Variants in SLC36A1 observed in about 807,000 individuals in gnomAD.
SLC36A1 encodes the protein proton-coupled amino acid transporter 1.
A neutral mutation model predicts 47.5 loss-of-function variants in SLC36A1; 30 were observed. The ratio of observed to expected loss-of-function variants is 0.63; its 90% CI spans 0.47 to 0.86. The LOEUF is 0.86. Ranked by LOEUF, SLC36A1 falls within the 40% of genes least tolerant of loss-of-function variation. SLC36A1 has a pLI of 0.00. For missense variants in SLC36A1, 517 were observed against 606.0 expected, an observed-to-expected ratio of 0.85 and a Z score of 1.54; for synonymous variants, 255 against 249.7, an observed-to-expected ratio of 1.02 and a Z score of -0.20.
the SLC36A1 span, among the ~76,000 whole-genome samples, chr5:151,408,999 C>CTTTTTTTT: frequency 7.1e-6 from 1 of 140,634 alleles, no homozygotes; most frequent in African/African-American, 2.6e-5. Flanking sequence ...TTTCTTTCCT[C>CTTTTTTTT]TTTTTTTTTT....
chr5:151,482,994 G>A (rs1008706153), intron 10 of SLC36A1, among the ~76,000 whole-genome samples: 7 of 152,010 alleles, frequency 4.6e-5, no homozygotes, highest in African/African-American at 1.5e-4. Flanking sequence ...CCAAGATCGC[G>A]CCACTGCACT....
intron 2 of SLC36A1, among the ~76,000 whole-genome samples, chr5:151,462,522 G>T (rs13164973): frequency 0.14 from 20,783 of 151,736 alleles, 1,586 homozygotes; most frequent in East Asian, 0.26. Flanking sequence ...CTGCCACCAC[G>T]CCCAGCTAAT....
intron 5 of SLC36A1, among the ~76,000 whole-genome samples, chr5:151,466,153 ATTCT>A (rs1561753519): frequency 6.6e-6 from 1 of 152,094 alleles, no homozygotes; most frequent in Non-Finnish European, 1.5e-5. Flanking sequence ...TCTTCCTTCC[ATTCT>A]TTCTTACTAC....
At chr5:151,482,396 G>T (rs1021228808) in intron 10 of SLC36A1, among the ~76,000 whole-genome samples, 22 of 151,932 alleles carry the variant, frequency 1.4e-4, no homozygotes, top group African/African-American at 4.8e-4. Context: ...TTCTGTATAG[G>T]TGCTTTGCGC....
chr5:151,543,150 G>A, the SLC36A1 span: 1 of 1,614,024 alleles, frequency 6.2e-7, no homozygotes, highest in African/African-American at 1.3e-5. Context: ...CTTTGATGAA[G>A]AAGTCAAGGG....
chr5:151,376,706 C>T, the SLC36A1 span, among the ~76,000 whole-genome samples: 2 of 151,944 alleles, frequency 1.3e-5, no homozygotes, highest in African/African-American at 2.4e-5. Context: ...GATCTTGGCT[C>T]ACTGCAACCT....
At chr5:151,462,779 G>GTTATTATTA (rs59698783) in intron 2 of SLC36A1, among the ~76,000 whole-genome samples, 3 of 151,168 alleles carry the variant, frequency 2.0e-5, no homozygotes, top group African/African-American at 7.3e-5. Context: ...TGGGGCTTCT[G>GTTATTATTA]TTATTATTAT....
At chr5:151,537,790 C>T in the SLC36A1 span, 4 of 1,606,952 alleles carry the variant, frequency 2.5e-6, no homozygotes, top group South Asian at 1.1e-5. Flanking sequence ...TCAGGAAACC[C>T]ACCTGTATGA....
At chr5:151,390,664 A>G in the SLC36A1 span, among the ~76,000 whole-genome samples, 27 of 152,210 alleles carry the variant, frequency 1.8e-4, no homozygotes, top group African/African-American at 6.5e-4. Flanking sequence ...TAAACAGGGA[A>G]TCCTTTCCCC....
intron 1 of SLC36A1, among the ~76,000 whole-genome samples, chr5:151,442,506 T>A (rs1194505443): frequency 1.3e-5 from 2 of 152,214 alleles, no homozygotes; most frequent in African/African-American, 2.4e-5. Flanking sequence ...TTCAGAACAT[T>A]CAAAACCCCT....
chr5:151,541,231 T>G, the SLC36A1 span, among the ~76,000 whole-genome samples: 1 of 152,246 alleles, frequency 6.6e-6, no homozygotes, highest in Non-Finnish European at 1.5e-5. Flanking sequence ...GTAAGTCATC[T>G]TTCTTTCCTT....
At chr5:151,526,708 T>G in the SLC36A1 span, among the ~76,000 whole-genome samples, 1 of 152,128 alleles carries the variant, frequency 6.6e-6, no homozygotes, top group Non-Finnish European at 1.5e-5. Context: ...CCCATACCCA[T>G]AATATATAAA....
At chr5:151,434,624 C>G (rs1759662038), upstream of SLC36A1, among the ~76,000 whole-genome samples, 1 of 152,044 alleles carries the variant, frequency 6.6e-6, no homozygotes, top group Non-Finnish European at 1.5e-5. Context: ...CTGTCATGGA[C>G]TGTGTATTGA....
upstream of SLC36A1, among the ~76,000 whole-genome samples, chr5:151,445,301 T>C (rs887148340): frequency 1.3e-5 from 2 of 152,238 alleles, no homozygotes; most frequent in Admixed American, 6.5e-5. Flanking sequence ...TAGTGTATGT[T>C]AAACCAGCCT....
At chr5:151,543,625 A>G in the SLC36A1 span, 2 of 1,614,168 alleles carry the variant, frequency 1.2e-6, no homozygotes, top group Non-Finnish European at 1.7e-6. Context: ...TAGCAAATCA[A>G]TCACCTTGGT....
the SLC36A1 span, chr5:151,537,703 G>T: frequency 1.5e-5 from 20 of 1,326,180 alleles, no homozygotes; most frequent in Non-Finnish European, 2.1e-5. Flanking sequence ...GTGAATTCCT[G>T]TTTCTTCTCC....
chr5:151,551,540 A>G, the SLC36A1 span: 1 of 1,614,234 alleles, frequency 6.2e-7, no homozygotes. Context: ...CCTGGTATCA[A>G]GAGGCCTGGC....
chr5:151,365,058 G>A, the SLC36A1 span, among the ~76,000 whole-genome samples: 1 of 152,120 alleles, frequency 6.6e-6, no homozygotes, highest in African/African-American at 2.4e-5. Context: ...CAGGTCATGT[G>A]CTCACTTCCT....
the SLC36A1 span, among the ~76,000 whole-genome samples, chr5:151,523,154 TTACACC>T: frequency 3.7e-4 from 56 of 152,094 alleles, no homozygotes; most frequent in African/African-American, 1.2e-3. Flanking sequence ...GTTGATAAGA[TTACACC>T]TACTGCTGGA....
Sources: gnomAD v4.1 joint callset for allele counts (sites outside exome capture counted in the v4.1 genomes callset) on GRCh38, gnomAD v4.1.1 for gene constraint, MANE v1.5 for transcripts, NCBI Gene and HGNC (gene_info 2026-07-23, HGNC 2026-07-21) for gene names.